RNF213: variants seen among roughly 807,000 people sequenced by gnomAD.
RNF213 encodes E3 ubiquitin-protein ligase RNF213.
Under a neutral mutation model 514.4 loss-of-function variants are expected in RNF213, and 341 were observed. The ratio of observed to expected loss-of-function variants is 0.66; its 90% CI spans 0.61 to 0.73. The LOEUF is 0.73. Ranked by LOEUF, RNF213 falls within the 30% of genes least tolerant of loss-of-function variation. RNF213 has a pLI of 0.00. For synonymous variants in RNF213, 2,655 were observed against 2,658.2 expected, an observed-to-expected ratio of 1.00 and a Z score of 0.04; for missense variants, 5,767 against 6,615.6, an observed-to-expected ratio of 0.87 and a Z score of 4.45.
chr17:80,277,006 G>C (rs962185624), intron 3 of RNF213, among the ~76,000 whole-genome samples: 3 of 151,656 alleles, frequency 2.0e-5, no homozygotes, highest in Non-Finnish European at 4.4e-5. Context: ...TCAGTGAGCC[G>C]AGATCGCACC....
Position 80,339,366 on chromosome 17 carries a change from G to A in RNF213, c.4999G>A (p.Gly1667Arg), listed in dbSNP as rs542805548. 2.7e-5 allele frequency: 42 copies of A among 1,537,272 alleles called. No individual in the cohort carries two copies. In the South Asian group the frequency reaches 4.3e-4, roughly 16 times the overall value. The change falls in exon 26 of 68, where the codon GGA becomes AGA. Residue 1667 changes from glycine (G) to arginine (R), a missense_variant. Physicochemically the swap from Gly to Arg is moderately radical, Grantham distance 125. Around this residue, in one of 13 missense-constraint regions of RNF213, gnomAD observed 1,377 missense variants for 1,635.2 expected, o/e 0.84. Transcript: ENST00000582970. Reference sequence around the variant, plus strand: ...CCTGGTGACGGAGCTTAAAGAAGGTGGAGATGTCACTGAGCTGCTGGCAGC... The same window carrying A: ...CCTGGTGACGGAGCTTAAAGAAGGTAGAGATGTCACTGAGCTGCTGGCAGC... ...LDLVTELKEG[G>R]DVTELLAALC...
intron 22 of RNF213, 75 bp from the exon 23 acceptor site, chr17:80,336,086 G>T (rs1041442575): frequency 1.6e-6 from 2 of 1,229,456 alleles, no homozygotes; most frequent in Admixed American, 2.1e-5. Flanking sequence ...GCTTCAGTAA[G>T]GATTACTGCC....
rs975896442 is a variant in RNF213, at chr17:80,288,922, A to G, written c.933+167A>G. Among the ~76,000 whole-genome samples, 4 of 152,214 alleles carry G rather than the reference A, an allele frequency of 2.6e-5. No homozygotes were observed. Among genetic ancestry groups the G allele is most frequent in the African/African-American group, 9.7e-5 (4 of 41,450 alleles). On this transcript the variant is annotated intron_variant, in intron 5 of 67. Coordinates refer to ENST00000582970, the MANE Select transcript of RNF213 (RefSeq NM_001256071.3). This position sits in a 1 kb window ranked among gnomAD's most constrained non-coding sequence, Gnocchi z 4.9. ...ACATTCCAGCGGAGAGAGAGTCAGG[A>G]AACCGACTTCAGCGGTGAGAAGAGC...
intron 63 of RNF213, among the ~76,000 whole-genome samples, chr17:80,387,800 T>C (rs2080297531): frequency 1.3e-5 from 2 of 152,198 alleles, no homozygotes. Flanking sequence ...CTGAACTGCA[T>C]CCCGTGACCT....
intron 17 of RNF213, among the ~76,000 whole-genome samples, chr17:80,322,301 C>T (rs1442484610): frequency 1.3e-5 from 2 of 151,632 alleles, no homozygotes; most frequent in Admixed American, 1.3e-4. Context: ...GCAGGGACTA[C>T]AGGCATGTGC....
chr17:80,328,554 T>A, intron 20 of RNF213, 77 bp downstream of exon 20: 1 of 1,394,384 alleles, frequency 7.2e-7, no homozygotes, highest in Non-Finnish European at 9.5e-7. Context: ...TGGATCACAG[T>A]AGCAGATCTT....
chr17:80,362,913 G>A (rs1352531535), intron 39 of RNF213, among the ~76,000 whole-genome samples, 189 bp from the exon 40 acceptor site: 2 of 152,226 alleles, frequency 1.3e-5, no homozygotes, highest in Non-Finnish European at 2.9e-5. Flanking sequence ...AAAAAGCCCA[G>A]ACGACACGGT....
rs1393272016 is a variant in RNF213, at chr17:80,337,923, G to T, written c.4759G>T (p.Glu1587Ter). The T allele has an allele frequency of 1.3e-6, 2 of 1,537,280 alleles. No homozygotes were observed. The highest frequency in any genetic ancestry group is 2.0e-5 in the Admixed American group (1 of 51,006). Residue 1587 changes from glutamate to a stop codon, truncating the protein, a stop_gained, in exon 25 of 68, where the codon GAG (glutamate) becomes TAG (stop). Coordinates refer to ENST00000582970, the MANE Select transcript of RNF213 (RefSeq NM_001256071.3). LOFTEE classifies it high-confidence loss of function. ...AGAGTACTCTTTAGAGGAGGTGAAG[G>T]AGCTTTTGAACAAGTTGATGCTGAT... ...SREYSLEEVKELLNKLMLMSG... is the reference protein window; with the variant it reads ...SREYSLEEVK
At chr17:80,327,502 A>T (rs954999734) in intron 18 of RNF213, among the ~76,000 whole-genome samples, 32 of 151,306 alleles carry the variant, frequency 2.1e-4, no homozygotes, top group African/African-American at 7.8e-4. Context: ...AAAGGAAGTC[A>T]GTCCATCCGT....
intron 26 of RNF213, 194 bp downstream of exon 26, chr17:80,340,550 T>TC: frequency 1.7e-6 from 1 of 591,458 alleles, no homozygotes; most frequent in Non-Finnish European, 3.0e-6. Flanking sequence ...CAATGGGTAT[T>TC]CCCTGGGAGC....
chr17:80,363,307 G>T lies in RNF213; in HGVS notation c.11561G>T (p.Cys3854Phe). 1 of 1,613,816 alleles carries T rather than the reference G, an allele frequency of 6.2e-7. No homozygotes were observed. Among genetic ancestry groups the T allele is most frequent in the Non-Finnish European group, 8.5e-7 (1 of 1,179,992 alleles). The change falls in exon 40 of 68, where the codon TGT (cysteine) becomes TTT (phenylalanine). Residue 3854 changes from cysteine (C) to phenylalanine (F), a missense_variant. By Grantham distance (205) the Cys-to-Phe change is radical. Coordinates refer to ENST00000582970, the MANE Select transcript of RNF213 (RefSeq NM_001256071.3). ...CGTTGGAACCATGAGCTGGCTGGATGTGAGATGGTATGGCCCTCCTCCGCC... is the reference window on the plus strand; with the variant it reads ...CGTTGGAACCATGAGCTGGCTGGATTTGAGATGGTATGGCCCTCCTCCGCC... ...EARWNHELAG[C>F]EMTLDAFAAM...
Position 80,363,098 on chromosome 17 carries a change from CCA to C in RNF213, c.11356-3_11356-2del. 5 of 1,613,060 alleles carry C rather than the reference CCA, an allele frequency of 3.1e-6. No individual in the cohort carries two copies. Among genetic ancestry groups the C allele is most frequent in the Non-Finnish European group, 4.2e-6 (5 of 1,179,190 alleles). On this transcript the variant is annotated splice_acceptor_variant and splice_polypyrimidine_tract_variant and intron_variant, in intron 39 of 67. Coordinates refer to ENST00000582970, the MANE Select transcript of RNF213 (RefSeq NM_001256071.3). LOFTEE classifies it high-confidence loss of function. ...TATATTCTAAAAGCTTTTTTGAATC[CCA>C]GTTTCTGCAGATGGCTCTGTGGTCC... is the stretch of plus-strand genomic sequence containing the variant.
chr17:80,288,454 G>T lies in RNF213; in HGVS notation c.810+91G>T. On this transcript the variant is annotated intron_variant, in intron 4 of 67. Coordinates refer to ENST00000582970, the MANE Select transcript of RNF213 (RefSeq NM_001256071.3). The surrounding 1 kb of genome is among the most constrained non-coding windows in gnomAD (Gnocchi z 4.9). ...AGGTGCTGGCGTTGCTTCCCTGCCG[G>T]GGGGAGGGGCGTCCTCTGGGCCCTG... The T allele has an allele frequency of 2.5e-6, 4 of 1,595,438 alleles. No individual in the cohort carries two copies. The highest frequency in any genetic ancestry group is 3.4e-6 in the Non-Finnish European group (4 of 1,169,296).
In RNF213 at chr17:80,279,978, C is replaced by G. The variant is rs201141090; in HGVS notation, c.261+6574C>G. 1.3e-4 allele frequency among the ~76,000 whole-genome samples: 20 copies of G among 152,352 alleles called. No homozygotes were observed. The East Asian group carries it at 3.5e-3, about 26-fold the overall frequency. ...CTGCCTTCCCCGCACCGCGCTCCCC[C>G]CAGCCCCTGCCCATCGAGATGGTCA... On this transcript the variant is annotated intron_variant, in intron 3 of 67. Transcript: ENST00000582970.
In RNF213 at chr17:80,371,976, C is replaced by CA. The variant is rs2079535002; in HGVS notation, c.12528_12529insA (p.Cys4177MetfsTer8). 6.4e-7 allele frequency: 1 copy of CA among 1,562,900 alleles called. No individual in the cohort carries two copies. Among genetic ancestry groups the CA allele is most frequent in the Admixed American group, 1.7e-5 (1 of 59,942 alleles). On this transcript the variant is annotated frameshift_variant, in exon 47 of 68. Coordinates refer to ENST00000582970, the MANE Select transcript of RNF213 (RefSeq NM_001256071.3). LOFTEE classifies it high-confidence loss of function. ...CTGAACTGTACATGCTCTTCATCAA[C>CA]TGCCTGGAGGTAAGTGAACTCTCTC...
intron 42 of RNF213, among the ~76,000 whole-genome samples, chr17:80,367,158 C>T (rs1006290081): frequency 5.3e-5 from 8 of 152,122 alleles, no homozygotes; most frequent in Non-Finnish European, 7.3e-5. Context: ...CTTTATACAA[C>T]GTGGTATCAT....
rs559455641 is a variant in RNF213, at chr17:80,353,510, A to C, written c.10424-2A>C. On this transcript the variant is annotated splice_acceptor_variant, in intron 33 of 67. Coordinates refer to ENST00000582970, the MANE Select transcript of RNF213 (RefSeq NM_001256071.3). LOFTEE classifies it high-confidence loss of function. This position sits in a 1 kb window ranked among gnomAD's most constrained non-coding sequence, Gnocchi z 5.0. ...ACGCAATCACGTTTGCTTCGACTGC[A>C]GTGGGCTTGGAACACCGGGCGGAAG... 5 of 1,608,652 alleles carry C rather than the reference A, an allele frequency of 3.1e-6. No homozygotes were observed. In the South Asian group the frequency reaches 4.4e-5, roughly 14 times the overall value.
At chr17:80,334,445 C>A (rs1447912622) in intron 22 of RNF213, 175 bp downstream of exon 22, 2 of 640,190 alleles carry the variant, frequency 3.1e-6, no homozygotes, top group Non-Finnish European at 5.1e-6. Flanking sequence ...GAGTTCACAC[C>A]GGTACAGTAT....
Position 80,386,414 on chromosome 17 carries a change from T to A in RNF213, c.14704T>A (p.Ser4902Thr). ...NEIVYAVEKLSKENNSYSVDA... is the reference protein window; with the variant it reads ...NEIVYAVEKLTKENNSYSVDA... The stretch of plus-strand genomic sequence containing the variant: ...AATTGTCTACGCCGTGGAAAAACTC[T>A]CCAAGGAAAACAACAGGTTTGTGCA... The change falls in exon 62 of 68, where the codon TCC (serine) becomes ACC (threonine). Residue 4902 changes from serine to threonine, a missense_variant. Physicochemically the swap from Ser to Thr is moderately conservative, Grantham distance 58. This residue lies in a region of RNF213 where 1,245 missense variants were observed against 1,339.0 expected (regional missense o/e 0.93). Transcript: ENST00000582970. 6.2e-7 allele frequency: 1 copy of A among 1,614,100 alleles called. No homozygotes were observed. Among genetic ancestry groups the A allele is most frequent in the East Asian group, 2.2e-5 (1 of 44,872 alleles).
Sources: allele counts gnomAD v4.1 joint callset (sites outside exome capture counted in the v4.1 genomes callset), GRCh38; gene constraint gnomAD v4.1.1; regional missense constraint gnomAD v4.1.1; non-coding constraint Gnocchi (gnomAD v3.1); transcripts MANE v1.5; gene names NCBI Gene and HGNC (gene_info 2026-07-23, HGNC 2026-07-21).